The following SPATA6L variants were observed in gnomAD, a reference collection of about 807,000 sequenced individuals.
SPATA6L encodes spermatogenesis associated 6-like protein.
SPATA6L carries 68 observed loss-of-function variants against 49.2 expected under a neutral mutation model. The ratio of observed to expected loss-of-function variants is 1.38; its 90% CI spans 1.14 to 1.69. SPATA6L has a LOEUF of 1.69. Among genes scored for constraint, SPATA6L ranks in the 40% most tolerant of loss-of-function variants. The pLI, the probability that SPATA6L is intolerant of heterozygous loss-of-function variation, is 0.00. For synonymous variants in SPATA6L, 198 were observed against 165.7 expected, an observed-to-expected ratio of 1.19 and a Z score of -1.50; for missense variants, 668 against 464.3, an observed-to-expected ratio of 1.44 and a Z score of -4.03.
At chr9:4,650,167 A>G (rs908651008) in intron 3 of SPATA6L, among the ~76,000 whole-genome samples, 12 of 152,284 alleles carry the variant, frequency 7.9e-5, no homozygotes, top group South Asian at 4.1e-4. Flanking sequence ...CCTAATGTCA[A>G]ACTCTTCAAT....
At chr9:4,614,229 T>C (rs1281561840) in intron 9 of SPATA6L, among the ~76,000 whole-genome samples, 3 of 152,190 alleles carry the variant, frequency 2.0e-5, no homozygotes, top group African/African-American at 2.4e-5. Flanking sequence ...GGCTTGGCAG[T>C]GTTTCTCCCT....
At position 4,635,263 on chromosome 9, in the gene SPATA6L, T is replaced by C. The variant is rs1832558543; in HGVS notation, c.351+12A>G. On this transcript the variant is annotated intron_variant, in intron 4 of 11. Transcript: ENST00000682582. The stretch of plus-strand genomic sequence containing the variant: ...CTCCTAATAGAAGCCCAGATGAGCA[T>C]GAATCACTTACTGGAAAACCCAGAG... The C allele has an allele frequency of 1.3e-6, 2 of 1,508,394 alleles. No homozygotes were observed. Among genetic ancestry groups the C allele is most frequent in the Non-Finnish European group, 1.8e-6 (2 of 1,140,072 alleles). 93.4% of individuals were successfully genotyped at this position (1,508,394 alleles called of 1,614,324 possible).
At chr9:4,603,902 G>A (rs940632601) in intron 11 of SPATA6L, among the ~76,000 whole-genome samples, 2 of 152,132 alleles carry the variant, frequency 1.3e-5, no homozygotes, top group Non-Finnish European at 2.9e-5. Flanking sequence ...AAAAAGCTCC[G>A]TGTTCAAGAA....
chr9:4,662,917 C>T lies in SPATA6L; in HGVS notation c.40-881G>A. 4 of 1,610,080 alleles carry T rather than the reference C, an allele frequency of 2.5e-6. No individual in the cohort carries two copies. Among genetic ancestry groups the T allele is most frequent in the Non-Finnish European group, 1.7e-6 (2 of 1,179,958 alleles). On this transcript the variant is annotated intron_variant, in intron 1 of 11. Transcript: ENST00000682582. This position sits in a 1 kb window ranked among gnomAD's most constrained non-coding sequence, Gnocchi z 4.9. Reference sequence around the variant, plus strand: ...CTGCTGTTGGACCTGCTGCTGGTGGCCTTGATCAAAGGGCTGGTCCGCAGG... The same window carrying T: ...CTGCTGTTGGACCTGCTGCTGGTGGTCTTGATCAAAGGGCTGGTCCGCAGG...
In SPATA6L at chr9:4,612,479, T is replaced by C. The variant is rs796386352; in HGVS notation, c.995+5444A>G. Among the ~76,000 whole-genome samples the C allele has an allele frequency of 2.2e-4, 34 of 152,322 alleles. 1 individual carries two copies. Among genetic ancestry groups the C allele is most frequent in the African/African-American group, 8.2e-4 (34 of 41,578 alleles). On this transcript the variant is annotated intron_variant, in intron 9 of 11. Transcript: ENST00000682582. ...GGGGCTCACTACTCTTATTAACTCC[T>C]ACCCACCCTTCAGAGTTCAGTTCAA...
intron 9 of SPATA6L, among the ~76,000 whole-genome samples, chr9:4,609,404 C>G (rs990349096): frequency 6.6e-6 from 1 of 152,186 alleles, no homozygotes; most frequent in Non-Finnish European, 1.5e-5. Flanking sequence ...CCAAAAAATA[C>G]TGGCAAAACG....
chr9:4,606,773 A>C (rs1825315814), intron 9 of SPATA6L, among the ~76,000 whole-genome samples: 1 of 147,984 alleles, frequency 6.8e-6, no homozygotes, highest in South Asian at 2.2e-4. Context: ...CCTCACCAGC[A>C]ATGGAACAAA....
chr9:4,598,906 G>C lies in SPATA6L; in HGVS notation c.*1905C>G, dbSNP rs574568717. Among the ~76,000 whole-genome samples the C allele has an allele frequency of 1.0e-3, 156 of 152,338 alleles. No homozygotes were observed. Among genetic ancestry groups the C allele is most frequent in the South Asian group, 6.0e-3 (29 of 4,826 alleles). On this transcript the variant is annotated 3_prime_UTR_variant, in exon 12 of 12. Coordinates refer to ENST00000682582, the MANE Select transcript of SPATA6L (RefSeq NM_001353486.2). Reference sequence around the variant, plus strand: ...GTTGGCCTTGCCAAGGTGGAATGCTGGTTGTGATACAGGTTGAGTCTCCCT... The same window carrying C: ...GTTGGCCTTGCCAAGGTGGAATGCTCGTTGTGATACAGGTTGAGTCTCCCT...
At chr9:4,631,074 G>A (rs1587234437) in intron 4 of SPATA6L, among the ~76,000 whole-genome samples, 1 of 152,302 alleles carries the variant, frequency 6.6e-6, no homozygotes, top group Middle Eastern at 3.4e-3. Flanking sequence ...TCCACACTCT[G>A]TAACACACTT....
At position 4,622,391 on chromosome 9, in the gene SPATA6L, A is replaced by T. The variant is rs1201864869; in HGVS notation, c.772+17T>A. The T allele has an allele frequency of 6.6e-7, 1 of 1,510,100 alleles. No individual in the cohort carries two copies. The highest frequency in any genetic ancestry group is 1.4e-5 in the African/African-American group (1 of 72,842). 93.5% of individuals were successfully genotyped at this position (1,510,100 alleles called of 1,614,324 possible). Reference sequence around the variant, plus strand: ...TGCCATAGGGAAATGTACAGGAGTAACAAGAAACTCGAGTACCTCTTCTCG... The same window carrying T: ...TGCCATAGGGAAATGTACAGGAGTATCAAGAAACTCGAGTACCTCTTCTCG... On this transcript the variant is annotated intron_variant, in intron 7 of 11. Transcript: ENST00000682582.
intron 7 of SPATA6L, 115 bp downstream of exon 7, chr9:4,622,293 A>C: frequency 4.4e-6 from 3 of 679,042 alleles, no homozygotes; most frequent in Non-Finnish European, 5.1e-6. Context: ...AGAGTACTTG[A>C]GAATTAGGCT....
chr9:4,593,485 G>C (rs1188299818), downstream of SPATA6L, among the ~76,000 whole-genome samples: 1 of 152,044 alleles, frequency 6.6e-6, no homozygotes, highest in African/African-American at 2.4e-5. Flanking sequence ...GGGATGGGGA[G>C]TTGTCAGGAT....
intron 2 of SPATA6L, among the ~76,000 whole-genome samples, chr9:4,658,913 G>A (rs1316053582): frequency 2.1e-5 from 3 of 141,882 alleles, no homozygotes; most frequent in South Asian, 2.2e-4. Flanking sequence ...TCTTGCCACT[G>A]CACTCCAGCC....
At chr9:4,620,999 A>C (rs1022745418) in intron 7 of SPATA6L, among the ~76,000 whole-genome samples, 3 of 152,248 alleles carry the variant, frequency 2.0e-5, no homozygotes, top group Non-Finnish European at 4.4e-5. Flanking sequence ...TCAAACAGCT[A>C]CCACAGTCTA....
chr9:4,632,744 T>C (rs916974853), intron 4 of SPATA6L, among the ~76,000 whole-genome samples: 2 of 152,208 alleles, frequency 1.3e-5, no homozygotes, highest in Admixed American at 6.5e-5. Flanking sequence ...TATGTGATGT[T>C]TATGGCCCTC....
chr9:4,656,445 G>A (rs10974714), intron 2 of SPATA6L, among the ~76,000 whole-genome samples: 11 of 73,636 alleles, frequency 1.5e-4, no homozygotes, highest in African/African-American at 1.4e-4. Flanking sequence ...TGAAAGAAAG[G>A]AAGGAAGGAA....
intron 5 of SPATA6L, chr9:4,627,286 C>T (rs1587191507): frequency 6.4e-6 from 1 of 157,356 alleles, no homozygotes; most frequent in Non-Finnish European, 1.4e-5. Flanking sequence ...ATGAACACAT[C>T]ACAAATAAAT....
chr9:4,612,287 G>A (rs1389982685), intron 9 of SPATA6L, among the ~76,000 whole-genome samples: 4 of 152,088 alleles, frequency 2.6e-5, no homozygotes, highest in African/African-American at 4.8e-5. Context: ...AATCCTGGTT[G>A]TTTCCTACCA....
At chr9:4,660,531 A>G (rs1839381878) in intron 2 of SPATA6L, among the ~76,000 whole-genome samples, 1 of 152,232 alleles carries the variant, frequency 6.6e-6, no homozygotes, top group Non-Finnish European at 1.5e-5. Flanking sequence ...TCAGGAAACA[A>G]CAGGTGCTGG....
Sources: allele counts gnomAD v4.1 joint callset (sites outside exome capture counted in the v4.1 genomes callset), GRCh38; gene constraint gnomAD v4.1.1; non-coding constraint Gnocchi (gnomAD v3.1); transcripts MANE v1.5; gene names NCBI Gene and HGNC (gene_info 2026-07-23, HGNC 2026-07-21).